The following ANAPC2 variants were observed in gnomAD, a reference collection of about 807,000 sequenced individuals.
ANAPC2 encodes the protein anaphase promoting complex subunit 2.
A neutral mutation model predicts 84.3 loss-of-function variants in ANAPC2; 29 were observed. The ratio of observed to expected loss-of-function variants is 0.34; its 90% confidence interval spans 0.26 to 0.47. ANAPC2 has a LOEUF of 0.47. Ranked by LOEUF, ANAPC2 falls within the 20% of genes least tolerant of loss-of-function variation. ANAPC2 has a pLI of 1.00. For missense variants in ANAPC2, 857 were observed against 1,131.7 expected (o/e 0.76, Z 3.48); for synonymous variants, 571 against 479.4 (o/e 1.19, Z -2.50).
intron 6 of ANAPC2, among the ~76,000 whole-genome samples, chr9:137,182,915 G>C (rs140065597): frequency 6.6e-6 from 1 of 152,350 alleles, no homozygotes; most frequent in Non-Finnish European, 1.5e-5. Context: ...CACACAGAGG[G>C]CACGGTGACA....
At position 137,188,443 on chromosome 9, in the gene ANAPC2, G is replaced by A. The variant is rs1214388139; in HGVS notation, c.90C>T (p.Gly30=). The A allele has an allele frequency of 1.9e-6, 3 of 1,609,484 alleles. No individual in the cohort carries two copies. The highest frequency in any genetic ancestry group is 2.5e-6 in the Non-Finnish European group (3 of 1,179,490). ...LLVAWNTVST[G]LVPPAALGLV... ...GCCCCAGCGCAGCCGGCGGCACCAG[G>A]CCGGTGCTCACGGTGTTCCAGGCCA... Residue 30 remains glycine (G), a synonymous_variant, in exon 1 of 13, where the codon GGC becomes GGT. Coordinates refer to ENST00000323927, the MANE Select transcript of ANAPC2 (RefSeq NM_013366.4).
At chr9:137,181,157 T>C (rs537106562) in intron 7 of ANAPC2, among the ~76,000 whole-genome samples, 16 of 152,300 alleles carry the variant, frequency 1.1e-4, no homozygotes, top group Non-Finnish European at 2.2e-4. Flanking sequence ...GGGACTCCCA[T>C]GCAGGCTTAG....
intron 4 of ANAPC2, among the ~76,000 whole-genome samples, chr9:137,184,444 T>C (rs1471002249): frequency 0.01 from 670 of 65,364 alleles, no homozygotes; most frequent in Middle Eastern, 0.047. Flanking sequence ...GCAGACACGG[T>C]GAAGGCACAG....
At chr9:137,179,561 C>T (rs1340596772) in intron 10 of ANAPC2, among the ~76,000 whole-genome samples, 4 of 152,202 alleles carry the variant, frequency 2.6e-5, no homozygotes, top group African/African-American at 9.7e-5. Context: ...GCACACTGTC[C>T]CCATCTGCCA....
rs1480197103 is a variant in ANAPC2 at position 137,185,077 on chromosome 9, C to T, written c.884G>A (p.Arg295Gln). The T allele has an allele frequency of 4.5e-6, 7 of 1,543,354 alleles. No individual in the cohort carries two copies. Among genetic ancestry groups the T allele is most frequent in the Non-Finnish European group, 5.2e-6 (6 of 1,145,010 alleles). ...FLREFHKWIE[R>Q]VVGWLGKVFL... ...CACCTTGCCGAGCCAGCCGACCACC[C>T]GCTCGATCCACTGTCAGGAGAACGC... Residue 295 changes from arginine to glutamine, a missense_variant, in exon 4 of 13, where the codon CGG becomes CAG. By Grantham distance (43) the Arg-to-Gln change is conservative. Around this residue, in one of 3 missense-constraint regions of ANAPC2, gnomAD observed 428 missense variants for 513.8 expected, o/e 0.83. Transcript: ENST00000323927.
At chr9:137,182,836 T>C (rs1172969715) in intron 6 of ANAPC2, among the ~76,000 whole-genome samples, 1 of 152,162 alleles carries the variant, frequency 6.6e-6, no homozygotes, top group East Asian at 1.9e-4. Flanking sequence ...CGAGGCCAAG[T>C]GGAAGAGCTT....
intron 4 of ANAPC2, among the ~76,000 whole-genome samples, chr9:137,184,030 C>T (rs1466129853): frequency 1.3e-5 from 2 of 152,232 alleles, no homozygotes; most frequent in Non-Finnish European, 2.9e-5. Flanking sequence ...GAGCCAAGGC[C>T]AAGGCAGCAC....
At chr9:137,187,358 C>T in intron 2 of ANAPC2, 123 bp downstream of exon 2, 2 of 1,297,252 alleles carry the variant, frequency 1.5e-6, no homozygotes, top group African/African-American at 1.5e-5. Flanking sequence ...CTGGGACTCT[C>T]TCTCTGTCAT....
intron 10 of ANAPC2, among the ~76,000 whole-genome samples, chr9:137,177,642 C>T (rs539208577): frequency 3.9e-5 from 6 of 152,252 alleles, no homozygotes; most frequent in South Asian, 4.1e-4. Flanking sequence ...GTCACTTGCA[C>T]GTGGGAGGGG....
In ANAPC2 at chr9:137,179,866, G is replaced by A. The variant is rs191491781; in HGVS notation, c.1890+315C>T. ...GGTGGATAGCAAAAGAGGAGGAAAC[G>A]CTCAGAGGGCAGGGCCTGCTGTGGC... On this transcript the variant is annotated intron_variant, in intron 10 of 12. Transcript: ENST00000323927. 3.3e-5 allele frequency among the ~76,000 whole-genome samples: 5 copies of A among 152,384 alleles called. No homozygotes were observed. The East Asian group carries it at 9.6e-4, about 29-fold the overall frequency.
intron 10 of ANAPC2, among the ~76,000 whole-genome samples, chr9:137,179,031 C>A (rs1299075748): frequency 1.3e-5 from 2 of 152,220 alleles, no homozygotes; most frequent in Non-Finnish European, 2.9e-5. Flanking sequence ...TCCTTCACAG[C>A]AGACCTGGAG....
At chr9:137,183,012 G>C (rs567288608) in intron 6 of ANAPC2, 113 bp downstream of exon 6, 3 of 822,088 alleles carry the variant, frequency 3.6e-6, no homozygotes, top group Admixed American at 2.2e-5. Flanking sequence ...CCAGCCGGGG[G>C]AGACCTTGTG....
Position 137,188,546 on chromosome 9 carries a change from C to G in ANAPC2, c.-14G>C. 1.3e-6 allele frequency: 2 copies of G among 1,599,824 alleles called. No homozygotes were observed. The highest frequency in any genetic ancestry group is 8.5e-7 in the Non-Finnish European group (1 of 1,176,086). ...TGCCGCCGCCATCTGCACCCACCGA[C>G]TCCGAGATTCGCTCGGCGCGGCGCG... is the stretch of plus-strand genomic sequence containing the variant. On this transcript the variant is annotated 5_prime_UTR_variant, in exon 1 of 13. Transcript: ENST00000323927.
chr9:137,178,318 G>C (rs1015962451), intron 10 of ANAPC2, among the ~76,000 whole-genome samples: 1 of 152,250 alleles, frequency 6.6e-6, no homozygotes, highest in Non-Finnish European at 1.5e-5. Flanking sequence ...TCGGCCAGGA[G>C]CTCTGCTGGT....
intron 4 of ANAPC2, 65 bp from the exon 5 acceptor site, chr9:137,183,856 G>C: frequency 1.3e-6 from 2 of 1,587,094 alleles, no homozygotes; most frequent in Non-Finnish European, 1.7e-6. Context: ...GGCTGGTGCA[G>C]AGTGTGTGCG....
intron 6 of ANAPC2, 52 bp from the exon 7 acceptor site, chr9:137,181,914 C>T: frequency 6.5e-7 from 1 of 1,544,100 alleles, no homozygotes; most frequent in South Asian, 1.2e-5. Context: ...CCGCGCGCAC[C>T]TCCCACCACT....
At chr9:137,177,379 T>C (rs1834245756) in intron 10 of ANAPC2, among the ~76,000 whole-genome samples, 1 of 149,210 alleles carries the variant, frequency 6.7e-6, no homozygotes. Flanking sequence ...GGCTGAACTT[T>C]TGAAACAGAT....
Position 137,185,028 on chromosome 9 carries a change from C to G in ANAPC2, c.933G>C (p.Arg311Ser). The part of the protein sequence containing the change: ...GKVFLQDGPA[R>S]PASPEAGNTL... The stretch of plus-strand genomic sequence containing the variant: ...TGTTGCCGGCCTCGGGAGATGCGGG[C>G]CTGGCGGGGCCGTCCTGCAGGAACA... Residue 311 changes from arginine (R) to serine (S), a missense_variant, in exon 4 of 13, where the codon AGG becomes AGC. Arg to Ser is a moderately radical substitution (Grantham distance 110). Coordinates refer to ENST00000323927, the MANE Select transcript of ANAPC2 (RefSeq NM_013366.4). 6.3e-7 allele frequency: 1 copy of G among 1,588,298 alleles called. No homozygotes were observed. Among genetic ancestry groups the G allele is most frequent in the East Asian group, 2.3e-5 (1 of 43,770 alleles).
In ANAPC2 at chr9:137,181,820, C is replaced by G; in HGVS notation, c.1329G>C (p.Thr443=). ...GGTCCCCTGTCCCGTCCGAGTCCCCCGTCAGCCCAGCCACAATCTGCCGCA... is the reference window on the plus strand; with the variant it reads ...GGTCCCCTGTCCCGTCCGAGTCCCCGGTCAGCCCAGCCACAATCTGCCGCA... ...DTVRQIVAGL[T]GDSDGTGDLA... Residue 443 remains threonine (T), a synonymous_variant, in exon 7 of 13, where the codon ACG becomes ACC. Transcript: ENST00000323927. The G allele has an allele frequency of 6.2e-7, 1 of 1,608,570 alleles. No individual in the cohort carries two copies. Among genetic ancestry groups the G allele is most frequent in the Non-Finnish European group, 8.5e-7 (1 of 1,179,910 alleles).
Sources: gnomAD v4.1 joint callset for allele counts (sites outside exome capture counted in the v4.1 genomes callset) on GRCh38, gnomAD v4.1.1 for gene constraint, gnomAD v4.1.1 regional missense constraint, MANE v1.5 for transcripts, NCBI Gene and HGNC (gene_info 2026-07-23, HGNC 2026-07-21) for gene names.